Variants in ADGRF1 observed in about 807,000 individuals in gnomAD.
The protein encoded by ADGRF1 is adhesion G protein-coupled receptor F1.
In ADGRF1, 85 loss-of-function variants were observed where a neutral mutation model predicts 87.2. The observed-to-expected ratio is 0.97, with a 90% CI of 0.82 to 1.17. ADGRF1 has a LOEUF of 1.17. Ranked by LOEUF, ADGRF1 falls within the 50% of genes most tolerant of loss-of-function variation. The pLI is 0.00. For missense variants in ADGRF1, 1,169 were observed against 1,077.2 expected (o/e 1.09, Z -1.19); for synonymous variants, 430 against 408.8 (o/e 1.05, Z -0.63).
intron 9 of ADGRF1, chr6:47,014,221 G>A (rs1327819758): frequency 2.2e-5 from 22 of 983,878 alleles, no homozygotes; most frequent in South Asian, 4.7e-5. Flanking sequence ...AAGGTCCATT[G>A]CAGTTCAGTC....
intron 1 of ADGRF1, among the ~76,000 whole-genome samples, chr6:47,038,557 C>T (rs1333467682): frequency 2.0e-5 from 3 of 151,852 alleles, no homozygotes; most frequent in Admixed American, 1.3e-4. Flanking sequence ...TTAGCATATC[C>T]ATCATCTCAA....
intron 1 of ADGRF1, 83 bp from the exon 2 acceptor site, chr6:47,029,187 G>A: frequency 1.3e-6 from 1 of 744,950 alleles, no homozygotes; most frequent in Non-Finnish European, 2.3e-6. Flanking sequence ...AAAGTGGTAA[G>A]GCCTCACTGA....
At chr6:47,018,335 G>A (rs1466794617) in intron 7 of ADGRF1, 3 of 1,197,462 alleles carry the variant, frequency 2.5e-6, no homozygotes, top group Non-Finnish European at 3.2e-6. Flanking sequence ...TAAGAGAACT[G>A]AGGCCCAATG....
intron 1 of ADGRF1, among the ~76,000 whole-genome samples, chr6:47,031,665 C>T (rs1277657001): frequency 6.6e-6 from 1 of 152,094 alleles, no homozygotes; most frequent in Non-Finnish European, 1.5e-5. Flanking sequence ...ATGTGGGTGT[C>T]CCCGTCTCAC....
chr6:47,008,982 G>A lies in ADGRF1; in HGVS notation c.2453C>T (p.Ala818Val). Residue 818 changes from alanine (A) to valine (V), a missense_variant, in exon 11 of 15, where the codon GCT becomes GTT. By Grantham distance (64) the Ala-to-Val change is moderately conservative (BLOSUM62 0). Coordinates refer to ENST00000371253, the MANE Select transcript of ADGRF1 (RefSeq NM_153840.4). ...GAGTAAAGCAAAAATAACATGCCAA[G>A]CCAGATTCTGGCTGTCCACTATTGT... ...IGTIVDSQNLAWHVIFALLNA... is the reference protein window; with the variant it reads ...IGTIVDSQNLVWHVIFALLNA... 1 of 1,608,622 alleles carries A rather than the reference G, an allele frequency of 6.2e-7. No individual in the cohort carries two copies. Among genetic ancestry groups the A allele is most frequent in the Non-Finnish European group, 8.5e-7 (1 of 1,176,054 alleles).
rs759776525 is a variant in ADGRF1, at chr6:47,025,927, A to G, written c.204T>C (p.Phe68=). 3.7e-6 allele frequency: 6 copies of G among 1,612,306 alleles called. No individual in the cohort carries two copies. The Admixed American group carries it at 1.0e-4, about 27-fold the overall frequency. ...ATAATGGAGGCTTCAAGAGCTTCAG[A>G]AAATTTCTCAAATCTCTTTTCTCCT... ...DSKEKRDLRN[F]LKLLKPPLLW... is the part of the protein sequence containing the mutation. The change falls in exon 4 of 15, where the codon TTT becomes TTC. Residue 68 remains phenylalanine, a synonymous_variant. Transcript: ENST00000371253.
intron 1 of ADGRF1, among the ~76,000 whole-genome samples, chr6:47,037,651 C>T (rs1331499846): frequency 6.6e-6 from 1 of 152,002 alleles, no homozygotes; most frequent in African/African-American, 2.4e-5. Flanking sequence ...ACTATAGGCA[C>T]ACACCACCAC....
chr6:47,037,373 T>C (rs1395182711), intron 1 of ADGRF1, among the ~76,000 whole-genome samples: 1 of 152,264 alleles, frequency 6.6e-6, no homozygotes, highest in Admixed American at 6.5e-5. Context: ...TTGTCGCTCC[T>C]GTTATAGGTA....
intron 9 of ADGRF1, chr6:47,012,984 G>A (rs1322559861): frequency 5.2e-6 from 4 of 766,254 alleles, no homozygotes; most frequent in East Asian, 1.3e-4. Context: ...ATGTTGGCCA[G>A]GCTGGTCTTG....
chr6:47,025,763 G>T, intron 4 of ADGRF1, 91 bp downstream of exon 4: 2 of 1,093,214 alleles, frequency 1.8e-6, no homozygotes, highest in Non-Finnish European at 2.6e-6. Context: ...GAGATTGTAG[G>T]GATGATTGTT....
At position 47,009,716 on chromosome 6, in the gene ADGRF1, CA is replaced by C. The variant is rs764931908; in HGVS notation, c.1718del (p.Met573SerfsTer13). On this transcript the variant is annotated frameshift_variant, in exon 11 of 15. Coordinates refer to ENST00000371253, the MANE Select transcript of ADGRF1 (RefSeq NM_153840.4). LOFTEE classifies it high-confidence loss of function. The part of the protein sequence containing the change: ...CTHLTSFSIL[M>X]SPFVPSTIFP... ...AGATTGTAGAGGGGACAAAAGGTGA[CA>C]TCAATATGGAGAAGGAGGTCAAGTG... The C allele has an allele frequency of 1.9e-6, 3 of 1,614,130 alleles. No individual in the cohort carries two copies. Among genetic ancestry groups the C allele is most frequent in the South Asian group, 2.2e-5 (2 of 91,084 alleles).
intron 9 of ADGRF1, chr6:47,012,602 C>T (rs889961960): frequency 2.2e-6 from 2 of 925,874 alleles, no homozygotes; most frequent in Admixed American, 1.1e-4. Flanking sequence ...GATTTAATGA[C>T]CTTCCAAAGA....
At position 47,021,954 on chromosome 6, in the gene ADGRF1, T is replaced by G. The variant is rs1780067324; in HGVS notation, c.552+4A>C. 3 of 1,496,608 alleles carry G rather than the reference T, an allele frequency of 2.0e-6. No homozygotes were observed. The highest frequency in any genetic ancestry group is 3.6e-5 in the Admixed American group (2 of 55,484). The allele number at this position is 1,496,608 out of a possible 1,614,324, so 92.7% of individuals were successfully genotyped here. ...TCCTTATATAATAAGTAGAAAGTGCTTACTTGAATTTCAATTCCATTTGCA... is the reference window on the plus strand; with the variant it reads ...TCCTTATATAATAAGTAGAAAGTGCGTACTTGAATTTCAATTCCATTTGCA... On this transcript the variant is annotated splice_donor_region_variant and intron_variant, in intron 6 of 14. Coordinates refer to ENST00000371253, the MANE Select transcript of ADGRF1 (RefSeq NM_153840.4).
chr6:47,029,171 A>T (rs952847436), intron 1 of ADGRF1, 67 bp from the exon 2 acceptor site: 17 of 876,978 alleles, frequency 1.9e-5, no homozygotes, highest in Middle Eastern at 4.3e-4. Context: ...AAATGTAAAA[A>T]TGCACAAAGT....
chr6:47,023,254 C>G (rs1780121588), intron 5 of ADGRF1, among the ~76,000 whole-genome samples: 1 of 152,148 alleles, frequency 6.6e-6, no homozygotes, highest in African/African-American at 2.4e-5. Context: ...CTAGAATTTG[C>G]CCCTGATCTG....
chr6:47,014,053 T>C (rs1487130861), intron 9 of ADGRF1: 1 of 163,578 alleles, frequency 6.1e-6, no homozygotes, highest in Non-Finnish European at 1.3e-5. Flanking sequence ...TCTCAAATAG[T>C]TCTTTATAAC....
At chr6:47,028,786 A>G (rs1780322808) in intron 2 of ADGRF1, among the ~76,000 whole-genome samples, 1 of 152,200 alleles carries the variant, frequency 6.6e-6, no homozygotes, top group Non-Finnish European at 1.5e-5. Flanking sequence ...CAGTTTGATC[A>G]TCTAAGCTCC....
At chr6:47,015,574 C>CTATTTATTTATTTAT (rs1779845645) in intron 8 of ADGRF1, among the ~76,000 whole-genome samples, 3 of 149,182 alleles carry the variant, frequency 2.0e-5, no homozygotes, top group African/African-American at 7.6e-5. Flanking sequence ...CGATGCCTGG[C>CTATTTATTTATTTAT]TATTTATTTA....
At chr6:47,040,493 A>T (rs7741213) in intron 1 of ADGRF1, among the ~76,000 whole-genome samples, 57,928 of 151,666 alleles carry the variant, frequency 0.38, 11,147 homozygotes, top group Middle Eastern at 0.55. Flanking sequence ...TAAAATAAAA[A>T]AAAAAACAGG....
Sources: gnomAD v4.1 joint callset for allele counts (sites outside exome capture counted in the v4.1 genomes callset) on GRCh38, gnomAD v4.1.1 for gene constraint, MANE v1.5 for transcripts, NCBI Gene and HGNC (gene_info 2026-07-23, HGNC 2026-07-21) for gene names.